The following ZNF668 variants were observed in gnomAD, a reference collection of about 807,000 sequenced individuals.
The protein encoded by ZNF668 is zinc finger protein 668.
ZNF668 carries 10 observed loss-of-function variants against 40.3 expected under a neutral mutation model. The observed-to-expected ratio is 0.25, with a 90% confidence interval of 0.15 to 0.42. The LOEUF (loss-of-function observed/expected upper bound fraction) is 0.42, where lower values mean the gene tolerates loss of function less well. Among genes scored for constraint, ZNF668 ranks in the 10% least tolerant of loss-of-function variants. ZNF668 has a pLI of 1.00. For missense variants in ZNF668, 749 were observed against 904.6 expected (o/e 0.83, Z 2.21); for synonymous variants, 428 against 384.6 (o/e 1.11, Z -1.32).
At position 31,061,437 on chromosome 16, in the gene ZNF668, G is replaced by C; in HGVS notation, c.1491C>G (p.Pro497=). ...QDAGVREAPG[P]LEGAGEAGGE... ...CCCCCGCCTCGCCTGCCCCTTCCAA[G>C]GGACCAGGAGCCTCCCGGACACCAG... Residue 497 remains proline, a synonymous_variant, in exon 3 of 3, where the codon CCC becomes CCG. Coordinates refer to ENST00000300849, the MANE Select transcript of ZNF668 (RefSeq NM_024706.5). This position sits in a 1 kb window ranked among gnomAD's most constrained non-coding sequence, Gnocchi z 7.7. The C allele has an allele frequency of 6.2e-7, 1 of 1,613,926 alleles. No homozygotes were observed. Among genetic ancestry groups the C allele is most frequent in the Middle Eastern group, 1.6e-4 (1 of 6,062 alleles).
At chr16:31,066,079 A>T in intron 1 of ZNF668, 4 of 985,404 alleles carry the variant, frequency 4.1e-6, no homozygotes, top group Non-Finnish European at 4.8e-6. Context: ...GGCAAGGGCC[A>T]CATCCTTAAA....
Position 31,061,016 on chromosome 16 carries a change from G to T in ZNF668, c.*52C>A. 1.4e-6 allele frequency: 2 copies of T among 1,424,966 alleles called. No homozygotes were observed. The highest frequency in any genetic ancestry group is 1.8e-6 in the Non-Finnish European group (2 of 1,086,508). The allele number at this position is 1,424,966 out of a possible 1,614,324, so 88.3% of individuals were successfully genotyped here. A position where few individuals can be genotyped will look rare whatever the true frequency, so the allele number is the denominator to read the frequency against. On this transcript the variant is annotated 3_prime_UTR_variant, in exon 3 of 3. Transcript: ENST00000300849. This position sits in a 1 kb window ranked among gnomAD's most constrained non-coding sequence, Gnocchi z 7.7. ...AGCCAGGCAAAAGGAGGTACAGGAA[G>T]CCCCCGATGGGGGCTGGGCTCCCGG... is the stretch of plus-strand genomic sequence containing the variant.
intron 1 of ZNF668, among the ~76,000 whole-genome samples, chr16:31,067,571 G>C (rs2143772117): frequency 6.6e-6 from 1 of 152,284 alleles, no homozygotes; most frequent in South Asian, 2.1e-4. Context: ...TGACAGAGTT[G>C]GGTGAGGAAT....
At chr16:31,063,411 G>T (rs139393057) in intron 2 of ZNF668, among the ~76,000 whole-genome samples, 1 of 151,934 alleles carries the variant, frequency 6.6e-6, no homozygotes, top group Admixed American at 6.6e-5. Context: ...AATTATAGGC[G>T]TGAGCTATTG....
In ZNF668 at chr16:31,064,151, C is replaced by T. The variant is rs777889485; in HGVS notation, c.309G>A (p.Gly103=). ...YKTAPELRSH[G]RSHTGEKPFP... ...AGGGCTTCTCCCCCGTGTGGCTGCGCCCGTGGCTGCGCAGCTCGGGTGCCG... is the reference window on the plus strand; with the variant it reads ...AGGGCTTCTCCCCCGTGTGGCTGCGTCCGTGGCTGCGCAGCTCGGGTGCCG... Residue 103 remains glycine, a synonymous_variant, in exon 2 of 3, where the codon GGG becomes GGA. Transcript: ENST00000300849. 2.5e-6 allele frequency: 4 copies of T among 1,608,450 alleles called. No homozygotes were observed. Among genetic ancestry groups the T allele is most frequent in the South Asian group, 2.2e-5 (2 of 91,008 alleles).
At chr16:31,073,002 A>C (rs1238772858) in intron 1 of ZNF668, 3 of 152,210 alleles carry the variant, frequency 2.0e-5, no homozygotes, top group Admixed American at 2.0e-4. Flanking sequence ...GGGTCCCTTA[A>C]GTTTGTGGGA....
intron 1 of ZNF668, chr16:31,064,859 C>T (rs576514538): frequency 1.3e-5 from 18 of 1,432,588 alleles, no homozygotes; most frequent in Middle Eastern, 2.6e-4. Context: ...TGTACCCAGA[C>T]GTGGGCCTGG....
rs1215299938 is a variant in ZNF668 at position 31,062,170 on chromosome 16, C to T, written c.758G>A (p.Arg253His). 2 of 1,613,754 alleles carry T rather than the reference C, an allele frequency of 1.2e-6. No homozygotes were observed. Among genetic ancestry groups the T allele is most frequent in the African/African-American group, 1.3e-5 (1 of 75,012 alleles). ...GAAGCCCTTGCCGCAGGCCGGGCAG[C>T]GGTAGGGCTTCTGTGCCGCGTGGAT... ...QRIHAAQKPYRCPACGKGFTQ... is the reference protein window; with the variant it reads ...QRIHAAQKPYHCPACGKGFTQ... The change falls in exon 3 of 3, where the codon CGC becomes CAC. Residue 253 changes from arginine to histidine, a missense_variant. Physicochemically the swap from Arg to His is conservative, Grantham distance 29. Transcript: ENST00000300849.
rs985509330 is a variant in ZNF668 at position 31,060,855 on chromosome 16, A to G, written c.*213T>C. Reference sequence around the variant, plus strand: ...GAACACAGAAGATGACCTGGTGCCAAAATGAAAGCTTTAATGAGTGTTACT... The same window carrying G: ...GAACACAGAAGATGACCTGGTGCCAGAATGAAAGCTTTAATGAGTGTTACT... On this transcript the variant is annotated 3_prime_UTR_variant, in exon 3 of 3. Coordinates refer to ENST00000300849, the MANE Select transcript of ZNF668 (RefSeq NM_024706.5). 11 of 489,830 alleles carry G rather than the reference A, an allele frequency of 2.2e-5. No individual in the cohort carries two copies. Among genetic ancestry groups the G allele is most frequent in the Admixed American group, 8.4e-5 (2 of 23,768 alleles). The allele number at this position is 489,830 out of a possible 1,614,324, so 30.3% of individuals were successfully genotyped here.
At chr16:31,069,692 T>C (rs748100660) in intron 1 of ZNF668, among the ~76,000 whole-genome samples, 90 of 152,130 alleles carry the variant, frequency 5.9e-4, no homozygotes, top group Middle Eastern at 3.4e-3. Flanking sequence ...CGGAATCTCA[T>C]GATTATCTAT....
intron 1 of ZNF668, chr16:31,069,285 ACACAC>A (rs2056999126): frequency 6.6e-6 from 1 of 151,880 alleles, no homozygotes; most frequent in Non-Finnish European, 1.5e-5. Flanking sequence ...ACACACACAC[ACACAC>A]ACACACACAC....
chr16:31,071,525 C>G (rs1192930714), intron 1 of ZNF668, among the ~76,000 whole-genome samples: 1 of 152,176 alleles, frequency 6.6e-6, no homozygotes, highest in Non-Finnish European at 1.5e-5. Context: ...GTGGCTCAAT[C>G]ATAGCTCACT....
Position 31,063,840 on chromosome 16 carries a change from T to C in ZNF668, c.620A>G (p.Glu207Gly). Residue 207 changes from glutamate to glycine, a missense_variant, in exon 2 of 3, where the codon GAG becomes GGG. Physicochemically the swap from Glu to Gly is moderately conservative, Grantham distance 98. Coordinates refer to ENST00000300849, the MANE Select transcript of ZNF668 (RefSeq NM_024706.5). ...CTCATGGTTGCGGAGGTCCTTGAGC[T>C]CCGCATAGGCTTTGCCGCAACGCTC... The part of the protein sequence containing the change: ...SCERCGKAYA[E>G]LKDLRNHERS... 6.3e-7 allele frequency: 1 copy of C among 1,582,302 alleles called. No homozygotes were observed. Among genetic ancestry groups the C allele is most frequent in the Non-Finnish European group, 8.6e-7 (1 of 1,159,744 alleles).
intron 1 of ZNF668, chr16:31,064,755 C>T: frequency 3.3e-6 from 5 of 1,513,196 alleles, no homozygotes; most frequent in Non-Finnish European, 4.4e-6. Context: ...CGGGCTTTTC[C>T]AAACACTGTG....
At chr16:31,065,283 G>A (rs751275888) in intron 1 of ZNF668, among the ~76,000 whole-genome samples, 50 of 152,218 alleles carry the variant, frequency 3.3e-4, no homozygotes, top group Non-Finnish European at 6.8e-4. Context: ...GAACCCAGAC[G>A]CCCTCCACCC....
At position 31,061,144 on chromosome 16, in the gene ZNF668, G is replaced by C; in HGVS notation, c.1784C>G (p.Pro595Arg). Residue 595 changes from proline to arginine, a missense_variant, in exon 3 of 3, where the codon CCT becomes CGT. Transcript: ENST00000300849. The surrounding 1 kb of genome is among the most constrained non-coding windows in gnomAD (Gnocchi z 7.7). ...SDLRKHERTH[P>R]VPMGTPTPLE... is the part of the protein sequence containing the mutation. ...GGGTGTGGGGGTCCCCATGGGCACA[G>C]GGTGGGTGCGTTCATGCTTGCGCAA... 1 of 1,516,824 alleles carries C rather than the reference G, an allele frequency of 6.6e-7. No individual in the cohort carries two copies. Among genetic ancestry groups the C allele is most frequent in the Non-Finnish European group, 8.8e-7 (1 of 1,134,308 alleles). The allele number at this position is 1,516,824 out of a possible 1,614,324, so 94.0% of individuals were successfully genotyped here.
In ZNF668 at chr16:31,061,455, G is replaced by A. The variant is rs1356085721; in HGVS notation, c.1473C>T (p.Val491=). 6.2e-7 allele frequency: 1 copy of A among 1,613,816 alleles called. No homozygotes were observed. Among genetic ancestry groups the A allele is most frequent in the Non-Finnish European group, 8.5e-7 (1 of 1,179,986 alleles). The change falls in exon 3 of 3, where the codon GTC becomes GTT. Residue 491 remains valine (V), a synonymous_variant. Transcript: ENST00000300849. The surrounding 1 kb of genome is among the most constrained non-coding windows in gnomAD (Gnocchi z 7.7). The part of the protein sequence containing the change: ...VEHVECQDAG[V]REAPGPLEGA... ...CTTCCAAGGGACCAGGAGCCTCCCG[G>A]ACACCAGCATCTTGGCATTCCACAT...
intron 1 of ZNF668, among the ~76,000 whole-genome samples, chr16:31,068,239 A>AATATAT (rs869069195): frequency 1.8e-4 from 15 of 82,978 alleles, no homozygotes; most frequent in African/African-American, 4.5e-4. Flanking sequence ...AAAAAAAAAA[A>AATATAT]ATATATATAT....
chr16:31,061,884 G>A lies in ZNF668; in HGVS notation c.1044C>T (p.Ser348=). The A allele has an allele frequency of 1.2e-6, 2 of 1,612,992 alleles. No homozygotes were observed. Among genetic ancestry groups the A allele is most frequent in the Non-Finnish European group, 1.7e-6 (2 of 1,179,508 alleles). Reference sequence around the variant, plus strand: ...CCAGCGCGTGCCGCTTGAGGTCCCAGGACGCCACGAACGTCTTGTCACATT... The same window carrying A: ...CCAGCGCGTGCCGCTTGAGGTCCCAAGACGCCACGAACGTCTTGTCACATT... ...CLQCDKTFVA[S]WDLKRHALVH... The change falls in exon 3 of 3, where the codon TCC becomes TCT. Residue 348 remains serine (S), a synonymous_variant. Coordinates refer to ENST00000300849, the MANE Select transcript of ZNF668 (RefSeq NM_024706.5). The surrounding 1 kb of genome is among the most constrained non-coding windows in gnomAD (Gnocchi z 7.7).
Sources: gnomAD v4.1 joint callset for allele counts (sites outside exome capture counted in the v4.1 genomes callset) on GRCh38, gnomAD v4.1.1 for gene constraint, Gnocchi (gnomAD v3.1) non-coding constraint, MANE v1.5 for transcripts, NCBI Gene and HGNC (gene_info 2026-07-23, HGNC 2026-07-21) for gene names.